C19orf44: variants seen among roughly 807,000 people sequenced by gnomAD.
The protein encoded by C19orf44 is uncharacterized protein C19orf44.
In C19orf44, 43 loss-of-function variants were observed where a neutral mutation model predicts 50.7. The ratio of observed to expected loss-of-function variants is 0.85; its 90% CI spans 0.66 to 1.09. C19orf44 has a LOEUF of 1.09. C19orf44 is among the 50% of genes least tolerant of loss of function. The pLI is 0.00. For missense variants in C19orf44, 722 were observed against 836.2 expected (o/e 0.86, Z 1.68); for synonymous variants, 298 against 334.7 (o/e 0.89, Z 1.20).
chr19:16,509,547 G>C lies in C19orf44; in HGVS notation c.1198G>C (p.Glu400Gln), dbSNP rs376294170. Residue 400 changes from glutamate to glutamine, a missense_variant, in exon 5 of 9, where the codon GAG becomes CAG. By Grantham distance (29) the Glu-to-Gln change is conservative. Coordinates refer to ENST00000221671, the MANE Select transcript of C19orf44 (RefSeq NM_032207.4). ...QKTAGKIFRA[E>Q]ASTGQDAPRQ... ...AACAGCTGGCAAAATCTTCAGAGCC[G>C]AGGCGTCCACTGGGCAGGATGCCCC... 15 of 1,580,422 alleles carry C rather than the reference G, an allele frequency of 9.5e-6. No individual in the cohort carries two copies. In the South Asian group the frequency reaches 1.2e-4, roughly 12 times the overall value.
intron 2 of C19orf44, 75 bp downstream of exon 2, chr19:16,501,626 C>A: frequency 8.9e-7 from 1 of 1,121,928 alleles, no homozygotes; most frequent in South Asian, 3.2e-5. Flanking sequence ...GAGTTTTGCT[C>A]TTGTTGCCCA....
In C19orf44 at chr19:16,520,240, T is replaced by C. The variant is rs1169807701; in HGVS notation, c.*187T>C. The C allele has an allele frequency of 1.2e-6, 2 of 1,613,416 alleles. No homozygotes were observed. Among genetic ancestry groups the C allele is most frequent in the Admixed American group, 1.7e-5 (1 of 60,010 alleles). ...CGCGACTGGGACCGGGAGCGGCTTC[T>C]GGAGGAGCGCGACCTGCTCCGACTT... On this transcript the variant is annotated 3_prime_UTR_variant, in exon 9 of 9. Transcript: ENST00000221671. This position sits in a 1 kb window ranked among gnomAD's most constrained non-coding sequence, Gnocchi z 4.0.
chr19:16,501,063 A>G lies in C19orf44; in HGVS notation c.271A>G (p.Asn91Asp), dbSNP rs1189640398. 13 of 1,614,144 alleles carry G rather than the reference A, an allele frequency of 8.1e-6. No individual in the cohort carries two copies. The highest frequency in any genetic ancestry group is 1.6e-4 in the Middle Eastern group (1 of 6,062). ...PPTTASRIRA[N>D]AALMKLAQLE... ...CACCACTGCCTCCAGGATCCGAGCC[A>G]ATGCCGCACTCATGAAGCTGGCCCA... is the stretch of plus-strand genomic sequence containing the variant. The change falls in exon 2 of 9, where the codon AAT becomes GAT. Residue 91 changes from asparagine (N) to aspartate (D), a missense_variant. Asn to Asp is a conservative substitution (Grantham distance 23). Transcript: ENST00000221671.
rs371373484 is a variant in C19orf44 at position 16,514,386 on chromosome 19, GAA to G, written c.1736-99_1736-98del. 1.1e-3 allele frequency: 1,006 copies of G among 942,838 alleles called. 1 individual carries two copies. The highest frequency in any genetic ancestry group is 1.4e-3 in the Middle Eastern group (4 of 2,866). 58.4% of individuals were successfully genotyped at this position (942,838 alleles called of 1,614,324 possible). A position where few individuals can be genotyped will look rare whatever the true frequency, so the allele number is the denominator to read the frequency against. Reference sequence around the variant, plus strand: ...GTGGCAGAGCGAGACCCTGTCTCCAGAAAAAAAAAAAAAGATTTCAGAGAGCA... The same window carrying G: ...GTGGCAGAGCGAGACCCTGTCTCCAGAAAAAAAAAAAGATTTCAGAGAGCA... On this transcript the variant is annotated intron_variant, in intron 6 of 8. Coordinates refer to ENST00000221671, the MANE Select transcript of C19orf44 (RefSeq NM_032207.4).
In C19orf44 at chr19:16,509,920, C is replaced by CA; in HGVS notation, c.1573dup (p.Arg525LysfsTer68). 6.2e-7 allele frequency: 1 copy of CA among 1,614,264 alleles called. No individual in the cohort carries two copies. Among genetic ancestry groups the CA allele is most frequent in the Non-Finnish European group, 8.5e-7 (1 of 1,180,048 alleles). On this transcript the variant is annotated frameshift_variant, in exon 5 of 9. Coordinates refer to ENST00000221671, the MANE Select transcript of C19orf44 (RefSeq NM_032207.4). LOFTEE classifies it high-confidence loss of function. ...AGGAAAAAGTCGGGCAGGCACGTGACAAGAGTGCTTGTGAAGGACACAGCT... is the reference window on the plus strand; with the variant it reads ...AGGAAAAAGTCGGGCAGGCACGTGACAAAGAGTGCTTGTGAAGGACACAGCT...
At position 16,508,221 on chromosome 19, in the gene C19orf44, C is replaced by T. The variant is rs558128802; in HGVS notation, c.1150-1278C>T. ...CTGGTTTCAAGCAATTCTTGTGCCT[C>T]AGCCTCCTGAGTAGCTGGGATTACA... is the stretch of plus-strand genomic sequence containing the variant. On this transcript the variant is annotated intron_variant, in intron 4 of 8. Transcript: ENST00000221671. Among the ~76,000 whole-genome samples the T allele has an allele frequency of 8.3e-4, 127 of 152,298 alleles. 1 individual carries two copies. The highest frequency in any genetic ancestry group is 3.4e-3 in the Middle Eastern group (1 of 294).
intron 7 of C19orf44, among the ~76,000 whole-genome samples, chr19:16,515,812 T>C (rs985501647): frequency 6.6e-5 from 10 of 152,104 alleles, no homozygotes; most frequent in Non-Finnish European, 1.0e-4. Context: ...TTTTTTTCTT[T>C]TGAGACTGAG....
At position 16,501,265 on chromosome 19, in the gene C19orf44, T is replaced by C. The variant is rs867651984; in HGVS notation, c.473T>C (p.Leu158Pro). The change falls in exon 2 of 9, where the codon CTT becomes CCT. Residue 158 changes from leucine (L) to proline (P), a missense_variant. By Grantham distance (98) the Leu-to-Pro change is moderately conservative. Transcript: ENST00000221671. ...ACTTCCCAGAATCAAGCCCGTGAAC[T>C]TCCTGTCACCGAAAATAATGCACAG... ...DKTSQNQARE[L>P]PVTENNAQNA... is the part of the protein sequence containing the mutation. 4 of 1,614,098 alleles carry C rather than the reference T, an allele frequency of 2.5e-6. No homozygotes were observed. The highest frequency in any genetic ancestry group is 3.4e-6 in the Non-Finnish European group (4 of 1,180,026).
chr19:16,514,707 C>T (rs763806045), intron 7 of C19orf44, 44 bp downstream of exon 7: 16 of 1,472,264 alleles, frequency 1.1e-5, no homozygotes, highest in Admixed American at 2.5e-5. Context: ...AGTAGGGGAG[C>T]GGCAGCTCCC....
At chr19:16,504,049 G>A (rs936032195) in intron 3 of C19orf44, among the ~76,000 whole-genome samples, 7 of 152,106 alleles carry the variant, frequency 4.6e-5, no homozygotes, top group South Asian at 2.1e-4. Context: ...GTGGTTGTGC[G>A]CACCTGTAGT....
chr19:16,510,361 C>T (rs1452257981), intron 5 of C19orf44, among the ~76,000 whole-genome samples: 1 of 151,940 alleles, frequency 6.6e-6, no homozygotes, highest in Non-Finnish European at 1.5e-5. Flanking sequence ...AGATGATGCC[C>T]CTGCACTCCA....
intron 4 of C19orf44, among the ~76,000 whole-genome samples, chr19:16,507,970 AT>A (rs1200394209): frequency 1.3e-5 from 2 of 150,590 alleles, no homozygotes; most frequent in Non-Finnish European, 3.0e-5. Context: ...GGCCCGGATA[AT>A]TTTTTTTGTA....
In C19orf44 at chr19:16,512,959, G is replaced by A. The variant is rs563349682; in HGVS notation, c.1640-55G>A. ...ATTCCAGGGTCGTATCTGTGGACCC[G>A]AAAGTCATTTCTCTGCGTCCTGCCT... On this transcript the variant is annotated intron_variant, in intron 5 of 8. Coordinates refer to ENST00000221671, the MANE Select transcript of C19orf44 (RefSeq NM_032207.4). 2.4e-4 allele frequency: 366 copies of A among 1,510,852 alleles called. 1 individual carries two copies. Among genetic ancestry groups the A allele is most frequent in the East Asian group, 9.1e-5 (4 of 44,022 alleles). 93.6% of individuals were successfully genotyped at this position (1,510,852 alleles called of 1,614,324 possible).
intron 4 of C19orf44, 148 bp downstream of exon 4, chr19:16,506,922 T>C: frequency 1.7e-6 from 1 of 593,288 alleles, no homozygotes; most frequent in Non-Finnish European, 3.0e-6. Flanking sequence ...ATCCTCCCGA[T>C]TCAGCCTCCC....
chr19:16,520,731 A>G lies in C19orf44; in HGVS notation c.*678A>G. 7.7e-7 allele frequency: 1 copy of G among 1,293,598 alleles called. No homozygotes were observed. The highest frequency in any genetic ancestry group is 1.1e-6 in the Non-Finnish European group (1 of 896,844). The allele number at this position is 1,293,598 out of a possible 1,614,324, so 80.1% of individuals were successfully genotyped here. On this transcript the variant is annotated 3_prime_UTR_variant, in exon 9 of 9. Coordinates refer to ENST00000221671, the MANE Select transcript of C19orf44 (RefSeq NM_032207.4). The surrounding 1 kb of genome is among the most constrained non-coding windows in gnomAD (Gnocchi z 4.0). ...CCGCCCCATAGGCACAGGCTGTGTG[A>G]GGGTGGACGTGATGAGTGTATCTGG... is the stretch of plus-strand genomic sequence containing the variant.
At chr19:16,514,721 G>T in intron 7 of C19orf44, 58 bp downstream of exon 7, 1 of 1,452,686 alleles carries the variant, frequency 6.9e-7, no homozygotes, top group Non-Finnish European at 9.1e-7. Flanking sequence ...AGCTCCCAGA[G>T]GCCGGGCCGA....
Position 16,519,548 on chromosome 19 carries a change from GAA to G in C19orf44, c.*41-544_*41-543del, listed in dbSNP as rs2085587328. The G allele has an allele frequency of 2.1e-6, 3 of 1,406,118 alleles. No homozygotes were observed. The Admixed American group carries it at 5.1e-5, about 24-fold the overall frequency. The allele number at this position is 1,406,118 out of a possible 1,614,324, so 87.1% of individuals were successfully genotyped here. ...CCATCCCCACATGCACTGAGGAAGA[GAA>G]AGCGCTGGTGACTCCCGGGCCCAGC... On this transcript the variant is annotated intron_variant, in intron 8 of 8. Coordinates refer to ENST00000221671, the MANE Select transcript of C19orf44 (RefSeq NM_032207.4). The surrounding 1 kb of genome is among the most constrained non-coding windows in gnomAD (Gnocchi z 6.0).
intron 3 of C19orf44, among the ~76,000 whole-genome samples, chr19:16,504,915 T>C (rs1349995814): frequency 1.3e-5 from 2 of 149,774 alleles, no homozygotes; most frequent in Non-Finnish European, 3.0e-5. Flanking sequence ...GCCTCCTGGG[T>C]TCAAGCGATT....
chr19:16,513,486 C>T (rs899529748), intron 6 of C19orf44, among the ~76,000 whole-genome samples: 1 of 152,072 alleles, frequency 6.6e-6, no homozygotes. Context: ...TGGGTTCAAG[C>T]GATTCTCCTG....
Sources: allele counts gnomAD v4.1 joint callset (sites outside exome capture counted in the v4.1 genomes callset), GRCh38; gene constraint gnomAD v4.1.1; non-coding constraint Gnocchi (gnomAD v3.1); transcripts MANE v1.5; gene names NCBI Gene and HGNC (gene_info 2026-07-23, HGNC 2026-07-21).